The following MS4A15 variants were observed in gnomAD, a reference collection of about 807,000 sequenced individuals.
MS4A15 encodes the protein membrane spanning 4-domains A15.
Under a neutral mutation model 20.6 loss-of-function variants are expected in MS4A15, and 22 were observed. The ratio of observed to expected loss-of-function variants is 1.07; its 90% CI spans 0.76 to 1.52. MS4A15 has a LOEUF of 1.52. Ranked by LOEUF, MS4A15 falls within the 40% of genes most tolerant of loss-of-function variation. The pLI is 0.00. For missense variants in MS4A15, 312 were observed against 323.0 expected, an observed-to-expected ratio of 0.97 and a Z score of 0.26; for synonymous variants, 129 against 129.3, an observed-to-expected ratio of 1.00 and a Z score of 0.02.
intron 1 of MS4A15, among the ~76,000 whole-genome samples, chr11:60,760,542 C>A (rs950770101): frequency 6.6e-6 from 1 of 152,172 alleles, no homozygotes; most frequent in Non-Finnish European, 1.5e-5. Flanking sequence ...ACTAAAGATG[C>A]AGTTGCTCAT....
rs768149787 is a variant in MS4A15, at chr11:60,773,422, A to G, written c.436A>G (p.Ser146Gly). The G allele has an allele frequency of 2.5e-5, 41 of 1,613,442 alleles. No individual in the cohort carries two copies. The highest frequency in any genetic ancestry group is 1.2e-4 in the Admixed American group (7 of 59,990). The change falls in exon 5 of 7, where the codon AGC becomes GGC. Residue 146 changes from serine to glycine, a missense_variant. Coordinates refer to ENST00000405633, the MANE Select transcript of MS4A15 (RefSeq NM_001098835.2). ...VRSSLGTNIL[S>G]VMAAFAGTAI... ...GAGCAGCCTGGGCACCAACATCCTC[A>G]GCGTCATGGCGGCCTTTGCTGGGAC... is the stretch of plus-strand genomic sequence containing the variant.
intron 1 of MS4A15, among the ~76,000 whole-genome samples, chr11:60,763,330 C>T (rs143187809): frequency 4.4e-3 from 669 of 152,098 alleles, no homozygotes; most frequent in African/African-American, 0.015. Flanking sequence ...GTGAAGAAAC[C>T]GGTACTCTAG....
chr11:60,773,372 T>A lies in MS4A15; in HGVS notation c.406-20T>A. Reference sequence around the variant, plus strand: ...TCTCTTTGCCTATTCCCTCTGCTCCTGTCTCTCTGCTCTCTGCAGGTGAGG... The same window carrying A: ...TCTCTTTGCCTATTCCCTCTGCTCCAGTCTCTCTGCTCTCTGCAGGTGAGG... On this transcript the variant is annotated intron_variant, in intron 4 of 6. Transcript: ENST00000405633. 6.2e-7 allele frequency: 1 copy of A among 1,602,508 alleles called. No individual in the cohort carries two copies. The highest frequency in any genetic ancestry group is 1.1e-5 in the South Asian group (1 of 89,654).
rs764469716 is a variant in MS4A15 at position 60,773,498 on chromosome 11, T to C, written c.498+14T>C. ...GTTACCAACCGGGTGCGTTGTCAGATGGCCCTCGGGGTGGGAAAACTTGGA... is the reference window on the plus strand; with the variant it reads ...GTTACCAACCGGGTGCGTTGTCAGACGGCCCTCGGGGTGGGAAAACTTGGA... On this transcript the variant is annotated intron_variant, in intron 5 of 6. Transcript: ENST00000405633. 1 of 1,612,118 alleles carries C rather than the reference T, an allele frequency of 6.2e-7. No homozygotes were observed. Among genetic ancestry groups the C allele is most frequent in the Non-Finnish European group, 8.5e-7 (1 of 1,178,370 alleles).
intron 2 of MS4A15, among the ~76,000 whole-genome samples, chr11:60,765,144 C>A (rs980351623): frequency 2.0e-5 from 3 of 152,004 alleles, no homozygotes; most frequent in Non-Finnish European, 2.9e-5. Context: ...GAGGCATTTG[C>A]CTTATTTGGG....
rs190412979 is a variant in MS4A15, at chr11:60,761,274, G to A, written c.-28-2432G>A. ...GTTTTTCCACAATAGCACATGCTAA[G>A]TGTGTTACTCTTATTCTTCAGGAGT... On this transcript the variant is annotated intron_variant, in intron 1 of 6. Transcript: ENST00000405633. Among the ~76,000 whole-genome samples, 210 of 152,304 alleles carry A rather than the reference G, an allele frequency of 1.4e-3. 2 individuals are homozygous for A. The highest frequency in any genetic ancestry group is 4.9e-3 in the African/African-American group (203 of 41,546).
intron 4 of MS4A15, among the ~76,000 whole-genome samples, chr11:60,773,038 T>A (rs1006467077): frequency 6.6e-6 from 1 of 152,176 alleles, no homozygotes; most frequent in Non-Finnish European, 1.5e-5. Context: ...CAGCTGCAGC[T>A]TCTCCTGCGA....
In MS4A15 at chr11:60,775,829, CCACATCTA is replaced by C; in HGVS notation, c.*120_*127del. 1 of 760,142 alleles carries C rather than the reference CCACATCTA, an allele frequency of 1.3e-6. No homozygotes were observed. Among genetic ancestry groups the C allele is most frequent in the Non-Finnish European group, 2.2e-6 (1 of 454,068 alleles). The allele number at this position is 760,142 out of a possible 1,614,324, so 47.1% of individuals were successfully genotyped here. On this transcript the variant is annotated 3_prime_UTR_variant, in exon 7 of 7. Coordinates refer to ENST00000405633, the MANE Select transcript of MS4A15 (RefSeq NM_001098835.2). ...GCCCCATCCCAGCTGCCCTCCCTCACCACATCTACACATACTCCGGCATCTGAGTGAAG... is the reference window on the plus strand; with the variant it reads ...GCCCCATCCCAGCTGCCCTCCCTCACCACATACTCCGGCATCTGAGTGAAG...
chr11:60,771,633 G>A, intron 4 of MS4A15: 1 of 1,457,994 alleles, frequency 6.9e-7, no homozygotes, highest in Non-Finnish European at 9.1e-7. Flanking sequence ...TCCTGTAAGA[G>A]TCCTGCTGGG....
chr11:60,764,183 G>A (rs573612480), intron 2 of MS4A15, among the ~76,000 whole-genome samples: 1 of 152,212 alleles, frequency 6.6e-6, no homozygotes, highest in African/African-American at 2.4e-5. Flanking sequence ...AAGTAAGGTT[G>A]AAAATGATGA....
At chr11:60,766,099 G>C (rs574329166) in intron 2 of MS4A15, among the ~76,000 whole-genome samples, 15 of 152,138 alleles carry the variant, frequency 9.9e-5, no homozygotes, top group Non-Finnish European at 2.2e-4. Context: ...ACCTACCTCT[G>C]GCCAGGCGCA....
intron 6 of MS4A15, 61 bp downstream of exon 6, chr11:60,774,011 C>T: frequency 7.2e-7 from 1 of 1,395,204 alleles, no homozygotes; most frequent in Non-Finnish European, 1.0e-6. Flanking sequence ...GTGTGGAAGG[C>T]AGTTGGCTGG....
chr11:60,764,801 C>G (rs764856627), intron 2 of MS4A15, among the ~76,000 whole-genome samples: 8 of 151,786 alleles, frequency 5.3e-5, no homozygotes, highest in Non-Finnish European at 1.2e-4. Context: ...CCCAGCTACT[C>G]GGGAGGCTGA....
At chr11:60,765,533 TAAG>T (rs1353425601) in intron 2 of MS4A15, among the ~76,000 whole-genome samples, 2 of 152,128 alleles carry the variant, frequency 1.3e-5, no homozygotes, top group Admixed American at 1.3e-4. Flanking sequence ...CACCACCTTG[TAAG>T]AAGGGGATCA....
In MS4A15 at chr11:60,767,589, G is replaced by A. The variant is rs771459274; in HGVS notation, c.282G>A (p.Met94Ile). The change falls in exon 3 of 7, where the codon ATG (methionine) becomes ATA (isoleucine). Residue 94 changes from methionine (M) to isoleucine (I), a missense_variant. Transcript: ENST00000405633. ...IHLGFGSVLL[M>I]VRRGHVGIFF... ...TAGGCTTTGGCAGCGTGCTGCTCATGGTTCGCCGCGGCCACGTGGGCATCT... is the reference window on the plus strand; with the variant it reads ...TAGGCTTTGGCAGCGTGCTGCTCATAGTTCGCCGCGGCCACGTGGGCATCT... 2.1e-5 allele frequency: 33 copies of A among 1,556,554 alleles called. No homozygotes were observed. Among genetic ancestry groups the A allele is most frequent in the Non-Finnish European group, 2.5e-5 (29 of 1,149,502 alleles).
At chr11:60,766,464 T>C (rs1853886899) in intron 2 of MS4A15, among the ~76,000 whole-genome samples, 1 of 152,146 alleles carries the variant, frequency 6.6e-6, no homozygotes, top group Non-Finnish European at 1.5e-5. Context: ...CCCAGCACAG[T>C]GCTTAGCATA....
At chr11:60,767,736 T>A (rs1486107051) in intron 3 of MS4A15, 81 bp downstream of exon 3, 2 of 1,424,838 alleles carry the variant, frequency 1.4e-6, no homozygotes, top group African/African-American at 2.9e-5. Flanking sequence ...ACCCCCACCA[T>A]CCTCCTGGGC....
intron 2 of MS4A15, among the ~76,000 whole-genome samples, chr11:60,765,774 G>T (rs1406476390): frequency 6.6e-6 from 1 of 151,848 alleles, no homozygotes; most frequent in Admixed American, 6.6e-5. Context: ...CTGGACTGGG[G>T]GCACAGACAC....
At chr11:60,771,758 G>C (rs1854050998) in intron 4 of MS4A15, 1 of 1,217,204 alleles carries the variant, frequency 8.2e-7, no homozygotes, top group Non-Finnish European at 1.0e-6. Flanking sequence ...CGAAGGCAAA[G>C]GTAGGAGAAG....
Sources: allele counts gnomAD v4.1 joint callset (sites outside exome capture counted in the v4.1 genomes callset), GRCh38; gene constraint gnomAD v4.1.1; transcripts MANE v1.5; gene names NCBI Gene and HGNC (gene_info 2026-07-23, HGNC 2026-07-21).